The following CAMTA1 variants were observed in gnomAD, a reference collection of about 807,000 sequenced individuals.
CAMTA1 encodes the protein calmodulin-binding transcription activator 1.
CAMTA1 carries 27 observed loss-of-function variants against 170.9 expected under a neutral mutation model. The ratio of observed to expected loss-of-function variants is 0.16; its 90% CI spans 0.12 to 0.22. The LOEUF is 0.22. Among genes scored for constraint, CAMTA1 ranks in the 10% least tolerant of loss-of-function variants. The pLI is 1.00. For synonymous variants in CAMTA1, 833 were observed against 891.5 expected, an observed-to-expected ratio of 0.93 and a Z score of 1.17; for missense variants, 1,619 against 2,217.2, an observed-to-expected ratio of 0.73 and a Z score of 5.42.
At chr1:7,151,284 G>A (rs1646559836) in intron 4 of CAMTA1, among the ~76,000 whole-genome samples, 1 of 152,348 alleles carries the variant, frequency 6.6e-6, no homozygotes, top group African/African-American at 2.4e-5. Flanking sequence ...CTGAAATGTA[G>A]CACCCGAGCC....
At chr1:7,623,533 C>T (rs1462922918) in intron 6 of CAMTA1, among the ~76,000 whole-genome samples, 1 of 152,218 alleles carries the variant, frequency 6.6e-6, no homozygotes, top group Non-Finnish European at 1.5e-5. Flanking sequence ...TAAGAAGGCA[C>T]CTCGCCCTCA....
At chr1:7,644,086 T>C (rs1269451211) in intron 7 of CAMTA1, among the ~76,000 whole-genome samples, 2 of 152,120 alleles carry the variant, frequency 1.3e-5, no homozygotes, top group African/African-American at 4.8e-5. Flanking sequence ...GCCAGCGGAG[T>C]TGTCAGCGGT....
At chr1:7,501,083 G>A (rs1052637181) in intron 6 of CAMTA1, among the ~76,000 whole-genome samples, 4 of 152,108 alleles carry the variant, frequency 2.6e-5, no homozygotes, top group South Asian at 2.1e-4. Context: ...TGTGCCACGC[G>A]CCACCCCTCG....
intron 4 of CAMTA1, among the ~76,000 whole-genome samples, chr1:7,230,450 G>A (rs1378454524): frequency 1.7e-4 from 2 of 12,076 alleles, no homozygotes; most frequent in African/African-American, 3.9e-4. Flanking sequence ...CCCCCGCCCC[G>A]CAAAGCTCTG....
rs755721470 is a variant in CAMTA1 at position 7,737,982 on chromosome 1, C to T, written c.3682C>T (p.Pro1228Ser). ...NPELRRPRSE[P>S]SNYYSSESHK... The stretch of plus-strand genomic sequence containing the variant: ...AGAGCTGAGAAGACCTCGTTCTGAA[C>T]CCTCTAATTACTACAGCAGTGAGAG... Residue 1228 changes from proline (P) to serine (S), a missense_variant, in exon 16 of 23, where the codon CCC becomes TCC. This residue lies in a region of CAMTA1 where 370 missense variants were observed against 429.4 expected (regional missense o/e 0.86). Coordinates refer to ENST00000303635, the MANE Select transcript of CAMTA1 (RefSeq NM_015215.4). 3 of 1,611,116 alleles carry T rather than the reference C, an allele frequency of 1.9e-6. No homozygotes were observed. The highest frequency in any genetic ancestry group is 2.5e-6 in the Non-Finnish European group (3 of 1,177,876).
chr1:6,960,696 C>G (rs1388747813), intron 3 of CAMTA1, among the ~76,000 whole-genome samples: 2 of 152,202 alleles, frequency 1.3e-5, no homozygotes, highest in African/African-American at 2.4e-5. Flanking sequence ...AGCGACTTCT[C>G]GAGGGCAGAG....
intron 5 of CAMTA1, among the ~76,000 whole-genome samples, chr1:7,458,167 C>A (rs867890064): frequency 1.3e-5 from 2 of 152,194 alleles, no homozygotes; most frequent in African/African-American, 4.8e-5. Flanking sequence ...AAGGAACCAA[C>A]CTTCATGGCC....
intron 11 of CAMTA1, among the ~76,000 whole-genome samples, chr1:7,723,071 C>T (rs1325484810): frequency 6.6e-6 from 1 of 151,958 alleles, no homozygotes; most frequent in Non-Finnish European, 1.5e-5. Context: ...ATCGAGAAGG[C>T]CTAGAAGCAG....
chr1:6,907,384 C>G (rs1048936478), intron 3 of CAMTA1, among the ~76,000 whole-genome samples: 2 of 152,136 alleles, frequency 1.3e-5, no homozygotes, highest in East Asian at 3.9e-4. Context: ...TGCCCTCCCC[C>G]CGCTGTCCCG....
In CAMTA1 at chr1:6,850,036, G is replaced by GAAAA. The variant is rs146898163; in HGVS notation, c.234+24843_234+24846dup. Among the ~76,000 whole-genome samples the GAAAA allele has an allele frequency of 1.1e-4, 7 of 65,058 alleles. No homozygotes were observed. The South Asian group carries it at 1.8e-3, about 17-fold the overall frequency. The allele number at this position is 65,058 out of a possible 152,430, so 42.7% of individuals were successfully genotyped here. A position where few individuals can be genotyped will look rare whatever the true frequency, so the allele number is the denominator to read the frequency against. ...GGCGACAGAGCAAGACTTTGTCTCA[G>GAAAA]AAAAAAAAAAAAAAAAAAAAGTTAG... On this transcript the variant is annotated intron_variant, in intron 3 of 22. Transcript: ENST00000303635.
At chr1:7,653,354 C>T (rs771851313) in intron 7 of CAMTA1, among the ~76,000 whole-genome samples, 1 of 152,178 alleles carries the variant, frequency 6.6e-6, no homozygotes, top group East Asian at 1.9e-4. Flanking sequence ...CTCGACCTCC[C>T]TGGGCTCAGG....
rs2095031341 is a variant in CAMTA1, at chr1:7,565,639, G to A, written c.511-74761G>A. Among the ~76,000 whole-genome samples, 4 of 152,184 alleles carry A rather than the reference G, an allele frequency of 2.6e-5. No homozygotes were observed. The highest frequency in any genetic ancestry group is 9.7e-5 in the African/African-American group (4 of 41,444). Reference sequence around the variant, plus strand: ...AGCCAGGTCCTGCTCCTTTGGGGAGGCTGCCTGGGGGCCTCAGCCATACTG... The same window carrying A: ...AGCCAGGTCCTGCTCCTTTGGGGAGACTGCCTGGGGGCCTCAGCCATACTG... On this transcript the variant is annotated intron_variant, in intron 6 of 22. Coordinates refer to ENST00000303635, the MANE Select transcript of CAMTA1 (RefSeq NM_015215.4). This position sits in a 1 kb window ranked among gnomAD's most constrained non-coding sequence, Gnocchi z 4.5.
At position 7,041,263 on chromosome 1, in the gene CAMTA1, T is replaced by C. The variant is rs1374001793; in HGVS notation, c.235-50041T>C. On this transcript the variant is annotated intron_variant, in intron 3 of 22. Coordinates refer to ENST00000303635, the MANE Select transcript of CAMTA1 (RefSeq NM_015215.4). This position sits in a 1 kb window ranked among gnomAD's most constrained non-coding sequence, Gnocchi z 5.1. ...GGTTGCCCTCTGTCCCCTTCTCGGC[T>C]TCCTCTGCAGAGGGGCTCAGAGCCA... 2.0e-5 allele frequency among the ~76,000 whole-genome samples: 3 copies of C among 152,232 alleles called. No individual in the cohort carries two copies. Among genetic ancestry groups the C allele is most frequent in the African/African-American group, 7.2e-5 (3 of 41,464 alleles).
intron 3 of CAMTA1, among the ~76,000 whole-genome samples, chr1:7,034,401 G>T (rs527289936): frequency 6.6e-6 from 1 of 151,956 alleles, no homozygotes; most frequent in Admixed American, 6.6e-5. Context: ...TGATCCACCC[G>T]CCTCGGCCTC....
intron 5 of CAMTA1, among the ~76,000 whole-genome samples, chr1:7,406,607 T>TAC (rs932479360): frequency 2.6e-5 from 4 of 151,470 alleles, no homozygotes; most frequent in Non-Finnish European, 4.4e-5. Flanking sequence ...CACACGGATG[T>TAC]ACACACACAC....
intron 4 of CAMTA1, among the ~76,000 whole-genome samples, chr1:7,179,141 T>G (rs1190794076): frequency 6.6e-6 from 1 of 152,198 alleles, no homozygotes; most frequent in Non-Finnish European, 1.5e-5. Flanking sequence ...ATGATATGGG[T>G]TCTGCCTTGC....
intron 5 of CAMTA1, among the ~76,000 whole-genome samples, chr1:7,297,578 A>C (rs927783057): frequency 6.6e-5 from 10 of 152,232 alleles, no homozygotes; most frequent in African/African-American, 2.4e-4. Flanking sequence ...TCTGCCCTCA[A>C]CCAAGTACTC....
chr1:6,865,449 G>C (rs1377261688), intron 3 of CAMTA1, among the ~76,000 whole-genome samples: 2 of 152,194 alleles, frequency 1.3e-5, no homozygotes, highest in Non-Finnish European at 2.9e-5. Context: ...AGCATTTCCA[G>C]TTGTGGTTAG....
At chr1:7,273,008 A>G (rs1427512367) in intron 5 of CAMTA1, among the ~76,000 whole-genome samples, 1 of 152,228 alleles carries the variant, frequency 6.6e-6, no homozygotes, top group African/African-American at 2.4e-5. Flanking sequence ...AATATATTTA[A>G]CAGCATCATT....
Sources: gnomAD v4.1 joint callset for allele counts (sites outside exome capture counted in the v4.1 genomes callset) on GRCh38, gnomAD v4.1.1 for gene constraint, gnomAD v4.1.1 regional missense constraint, Gnocchi (gnomAD v3.1) non-coding constraint, MANE v1.5 for transcripts, NCBI Gene and HGNC (gene_info 2026-07-23, HGNC 2026-07-21) for gene names.